Variants in STX3 observed in about 807,000 individuals in gnomAD.
STX3 encodes the protein syntaxin-3.
A neutral mutation model predicts 40.2 loss-of-function variants in STX3; 19 were observed. That is an observed-to-expected ratio of 0.47 (90% CI 0.33 to 0.69). The LOEUF (loss-of-function observed/expected upper bound fraction) is 0.69. Among genes scored for constraint, STX3 ranks in the 30% least tolerant of loss-of-function variants. The probability of loss-of-function intolerance (pLI) is 0.02; values close to 1 mark genes in which losing one functional copy is unlikely to be tolerated. For missense variants in STX3, 364 were observed against 366.7 expected, an observed-to-expected ratio of 0.99 and a Z score of 0.06; for synonymous variants, 122 against 132.2, an observed-to-expected ratio of 0.92 and a Z score of 0.53.
At chr11:59,790,332 C>G (rs1336186090) in intron 4 of STX3, among the ~76,000 whole-genome samples, 187 bp from the exon 5 acceptor site, 1 of 152,196 alleles carries the variant, frequency 6.6e-6, no homozygotes, top group East Asian at 1.9e-4. Context: ...ATGCCAAAAC[C>G]TGGTCATCGT....
Position 59,780,023 on chromosome 11 carries a change from A to C in STX3, c.114+6729A>C, listed in dbSNP as rs530517148. Among the ~76,000 whole-genome samples, 117 of 152,352 alleles carry C rather than the reference A, an allele frequency of 7.7e-4. 1 individual carries two copies. The highest frequency in any genetic ancestry group is 2.7e-3 in the African/African-American group (112 of 41,582). The stretch of plus-strand genomic sequence containing the variant: ...TCTGGGCTCTTCCAATGGGGCAGGC[A>C]GGAAGCCTTGCCAGTCATTTGCCTA... On this transcript the variant is annotated intron_variant, in intron 2 of 10. Coordinates refer to ENST00000337979, the MANE Select transcript of STX3 (RefSeq NM_004177.5).
Position 59,772,975 on chromosome 11 carries a change from ACACAC to A in STX3, c.31-235_31-231del, listed in dbSNP as rs775568950. Reference sequence around the variant, plus strand: ...TCTCACCCCTCACCCCCTGAAAGAAACACACACACACACACACACACACACACACA... The same window carrying A: ...TCTCACCCCTCACCCCCTGAAAGAAAACACACACACACACACACACACACA... On this transcript the variant is annotated intron_variant, in intron 1 of 10. Transcript: ENST00000337979. Among the ~76,000 whole-genome samples, 22 of 35,978 alleles carry A rather than the reference ACACAC, an allele frequency of 6.1e-4. No homozygotes were observed. The South Asian group carries it at 0.014, about 23-fold the overall frequency. The allele number at this position is 35,978 out of a possible 152,430, so 23.6% of individuals were successfully genotyped here. A position where few individuals can be genotyped will look rare whatever the true frequency, so the allele number is the denominator to read the frequency against.
At chr11:59,788,852 T>G in intron 3 of STX3, 21 bp from the exon 4 acceptor site, 2 of 1,607,432 alleles carry the variant, frequency 1.2e-6, no homozygotes, top group Non-Finnish European at 1.7e-6. Context: ...TAACGGATTC[T>G]GCCTGCCTTT....
At chr11:59,773,799 G>A (rs61024344) in intron 2 of STX3, among the ~76,000 whole-genome samples, 1,722 of 152,020 alleles carry the variant, frequency 0.011, 34 homozygotes, top group African/African-American at 0.039. Context: ...GGCCAACATG[G>A]CAAAACCCTG....
At chr11:59,774,524 T>C (rs1863846392) in intron 2 of STX3, among the ~76,000 whole-genome samples, 1 of 151,558 alleles carries the variant, frequency 6.6e-6, no homozygotes, top group Non-Finnish European at 1.5e-5. Flanking sequence ...AAATCCCCAT[T>C]GAGTTGCATA....
chr11:59,773,306 TC>T lies in STX3; in HGVS notation c.114+14del, dbSNP rs1418102376. 2.0e-5 allele frequency: 32 copies of T among 1,613,442 alleles called. No homozygotes were observed. Among genetic ancestry groups the T allele is most frequent in the Non-Finnish European group, 2.5e-5 (30 of 1,179,608 alleles). ...AGTTCTTTTCTGAGGTAGGCAACCTTCCTGTATTTTTTTCTAAATGTACATA... is the reference window on the plus strand; with the variant it reads ...AGTTCTTTTCTGAGGTAGGCAACCTTCTGTATTTTTTTCTAAATGTACATA... On this transcript the variant is annotated intron_variant, in intron 2 of 10. Transcript: ENST00000337979.
intron 2 of STX3, among the ~76,000 whole-genome samples, chr11:59,777,332 G>T (rs1028744028): frequency 6.6e-6 from 1 of 152,168 alleles, no homozygotes; most frequent in African/African-American, 2.4e-5. Flanking sequence ...GGATTTTTAG[G>T]AATGTCTTCC....
chr11:59,802,026 A>G lies in STX3; in HGVS notation c.*1202A>G. The G allele has an allele frequency of 1.0e-6, 1 of 985,442 alleles. No individual in the cohort carries two copies. Among genetic ancestry groups the G allele is most frequent in the Non-Finnish European group, 1.2e-6 (1 of 829,936 alleles). 61.0% of individuals were successfully genotyped at this position (985,442 alleles called of 1,614,324 possible). On this transcript the variant is annotated 3_prime_UTR_variant, in exon 11 of 11. Coordinates refer to ENST00000337979, the MANE Select transcript of STX3 (RefSeq NM_004177.5). ...TTTTTCTGCTTAGCAGACAGAAGGT[A>G]TAATTTTTTGACACCCTTTCCCACC...
At chr11:59,778,543 AAG>A (rs988358730) in intron 2 of STX3, among the ~76,000 whole-genome samples, 14 of 152,302 alleles carry the variant, frequency 9.2e-5, no homozygotes, top group African/African-American at 2.9e-4. Context: ...GTTAAAAAGA[AAG>A]AGAGGGAAGG....
rs1866008006 is a variant in STX3, at chr11:59,804,547, A to G, written c.*3723A>G. On this transcript the variant is annotated 3_prime_UTR_variant, in exon 11 of 11. Transcript: ENST00000337979. ...AGAGGCTGTGTAAAGCCGCTTGGGA[A>G]TGGGCTGATCTGCTTATGCAAAAAT... is the stretch of plus-strand genomic sequence containing the variant. 1 of 152,184 alleles carries G rather than the reference A, an allele frequency of 6.6e-6. No individual in the cohort carries two copies. The highest frequency in any genetic ancestry group is 2.4e-5 in the African/African-American group (1 of 41,446). 9.4% of individuals were successfully genotyped at this position (152,184 alleles called of 1,614,324 possible).
chr11:59,800,870 C>A lies in STX3; in HGVS notation c.*46C>A, dbSNP rs1865852058. 1 of 1,536,340 alleles carries A rather than the reference C, an allele frequency of 6.5e-7. No individual in the cohort carries two copies. The highest frequency in any genetic ancestry group is 2.0e-5 in the Admixed American group (1 of 51,002). ...TGCCTCCTAGAAACTGATTTCACTC[C>A]AGACTGGTGTGGCCACCCTTGTCTT... On this transcript the variant is annotated 3_prime_UTR_variant, in exon 11 of 11. Transcript: ENST00000337979.
In STX3 at chr11:59,792,163, A is replaced by G. The variant is rs748223436; in HGVS notation, c.414A>G (p.Gln138=). Residue 138 remains glutamine, a synonymous_variant, in exon 6 of 11, where the codon CAA becomes CAG. Coordinates refer to ENST00000337979, the MANE Select transcript of STX3 (RefSeq NM_004177.5). ...VEVMTKYNEA[Q]VDFRERSKGR... is the part of the protein sequence containing the mutation. ...TGATGACCAAATACAATGAAGCTCA[A>G]GTGGACTTCCGAGAACGCAGCAAAG... 29 of 1,614,020 alleles carry G rather than the reference A, an allele frequency of 1.8e-5. No homozygotes were observed. In the South Asian group the frequency reaches 2.2e-4, roughly 12 times the overall value.
At chr11:59,784,057 G>A (rs138554884) in intron 2 of STX3, among the ~76,000 whole-genome samples, 30 of 152,276 alleles carry the variant, frequency 2.0e-4, no homozygotes, top group African/African-American at 7.0e-4. Context: ...ATAGGGCAGG[G>A]TGAGTATCAG....
chr11:59,786,886 T>G lies in STX3; in HGVS notation c.115-151T>G, dbSNP rs1277217003. ...CTTTATCTGACCATGGAAAGGGTACTCACTGGGCAGCTGAGGACTTTAAGT... is the reference window on the plus strand; with the variant it reads ...CTTTATCTGACCATGGAAAGGGTACGCACTGGGCAGCTGAGGACTTTAAGT... On this transcript the variant is annotated intron_variant, in intron 2 of 10. Coordinates refer to ENST00000337979, the MANE Select transcript of STX3 (RefSeq NM_004177.5). The G allele has an allele frequency of 7.9e-6, 5 of 636,518 alleles. No homozygotes were observed. In the African/African-American group the frequency reaches 9.2e-5, roughly 12 times the overall value. 39.4% of individuals were successfully genotyped at this position (636,518 alleles called of 1,614,324 possible). A position where few individuals can be genotyped will look rare whatever the true frequency, so the allele number is the denominator to read the frequency against.
chr11:59,788,046 G>A (rs868650587), intron 3 of STX3, among the ~76,000 whole-genome samples: 3 of 152,180 alleles, frequency 2.0e-5, no homozygotes, highest in African/African-American at 7.2e-5. Context: ...GAGCAACTCT[G>A]TCTGGTTCCC....
chr11:59,785,461 G>C (rs983982044), intron 2 of STX3, among the ~76,000 whole-genome samples: 2 of 152,132 alleles, frequency 1.3e-5, no homozygotes, highest in Non-Finnish European at 2.9e-5. Flanking sequence ...CCCCTGAGTA[G>C]CTGGGACTAC....
At chr11:59,769,821 A>G (rs1054895421) in intron 1 of STX3, among the ~76,000 whole-genome samples, 15 of 149,638 alleles carry the variant, frequency 1.0e-4, no homozygotes, top group African/African-American at 3.5e-4. Context: ...GATGTCTTAT[A>G]GTGTACACGT....
rs371249929 is a variant in STX3, at chr11:59,803,267, C to G, written c.*2443C>G. 19 of 1,231,708 alleles carry G rather than the reference C, an allele frequency of 1.5e-5. No individual in the cohort carries two copies. The South Asian group carries it at 7.0e-4, about 45-fold the overall frequency. 76.3% of individuals were successfully genotyped at this position (1,231,708 alleles called of 1,614,324 possible). On this transcript the variant is annotated 3_prime_UTR_variant, in exon 11 of 11. Transcript: ENST00000337979. ...TGTATTATCCTTGCGATCATCTTAG[C>G]TTCCACCATTGGGAGCATATTTGCC...
chr11:59,787,735 G>A (rs538882596), intron 3 of STX3, among the ~76,000 whole-genome samples: 2 of 152,320 alleles, frequency 1.3e-5, no homozygotes, highest in South Asian at 2.1e-4. Context: ...GATAGCTGAA[G>A]CGCTGAAAGA....
Sources: gnomAD v4.1 joint callset for allele counts (sites outside exome capture counted in the v4.1 genomes callset) on GRCh38, gnomAD v4.1.1 for gene constraint, MANE v1.5 for transcripts, NCBI Gene and HGNC (gene_info 2026-07-23, HGNC 2026-07-21) for gene names.